ALK: variants seen among roughly 807,000 people sequenced by gnomAD.
ALK encodes ALK receptor tyrosine kinase, also known as ALK tyrosine kinase receptor.
A neutral mutation model predicts 163.1 loss-of-function variants in ALK; 74 were observed. The observed-to-expected ratio is 0.45, with a 90% CI of 0.38 to 0.55. The LOEUF is 0.55. Among genes scored for constraint, ALK ranks in the 20% least tolerant of loss-of-function variants. ALK has a pLI of 0.00. For missense variants in ALK, 2,063 were observed against 2,105.3 expected, an observed-to-expected ratio of 0.98 and a Z score of 0.39; for synonymous variants, 960 against 843.2, an observed-to-expected ratio of 1.14 and a Z score of -2.40.
chr2:29,690,560 C>T (rs755701996), intron 3 of ALK, among the ~76,000 whole-genome samples: 8 of 152,206 alleles, frequency 5.3e-5, no homozygotes, highest in Non-Finnish European at 1.0e-4. Flanking sequence ...AGCAGTTAGA[C>T]ATCAACATGG....
chr2:29,363,828 G>A (rs1443927478), intron 5 of ALK, among the ~76,000 whole-genome samples: 1 of 152,088 alleles, frequency 6.6e-6, no homozygotes, highest in African/African-American at 2.4e-5. Flanking sequence ...AACACATCGA[G>A]GAACCCAGAT....
At chr2:29,736,098 T>A (rs769710949) in intron 1 of ALK, among the ~76,000 whole-genome samples, 1 of 152,142 alleles carries the variant, frequency 6.6e-6, no homozygotes, top group Non-Finnish European at 1.5e-5. Context: ...TTACTATTAA[T>A]GATCAAACTC....
At chr2:29,518,364 A>G (rs1672726028) in intron 4 of ALK, among the ~76,000 whole-genome samples, 1 of 152,196 alleles carries the variant, frequency 6.6e-6, no homozygotes, top group South Asian at 2.1e-4. Flanking sequence ...CCAGAATTGA[A>G]TTTCTTTCCG....
intron 22 of ALK, chr2:29,221,116 G>T (rs1669791783): frequency 1.7e-6 from 1 of 587,376 alleles, no homozygotes. Context: ...AAGTGTCTCA[G>T]GGGGCAGGAG....
chr2:29,657,557 T>C (rs948679147), intron 3 of ALK, among the ~76,000 whole-genome samples: 1 of 152,186 alleles, frequency 6.6e-6, no homozygotes, highest in Non-Finnish European at 1.5e-5. Context: ...ATCATGTTTA[T>C]TCTCTTTCCA....
chr2:29,485,535 A>AT (rs1206774289), intron 4 of ALK, among the ~76,000 whole-genome samples: 2 of 152,226 alleles, frequency 1.3e-5, no homozygotes, highest in African/African-American at 4.8e-5. Flanking sequence ...TTGAAAGTTT[A>AT]TTCAGACTGG....
At chr2:29,236,176 G>A (rs1664376456) in intron 13 of ALK, among the ~76,000 whole-genome samples, 1 of 152,062 alleles carries the variant, frequency 6.6e-6, no homozygotes, top group African/African-American at 2.4e-5. Flanking sequence ...TTGGAGATTT[G>A]CTGGGCTATA....
At chr2:29,276,638 C>T (rs758280656) in intron 9 of ALK, among the ~76,000 whole-genome samples, 9 of 152,080 alleles carry the variant, frequency 5.9e-5, no homozygotes, top group African/African-American at 1.7e-4. Context: ...TATGATGGGA[C>T]GCCAGTCAAT....
At chr2:29,665,003 C>CTTTT (rs35885544) in intron 3 of ALK, among the ~76,000 whole-genome samples, 1 of 133,792 alleles carries the variant, frequency 7.5e-6, no homozygotes, top group Non-Finnish European at 1.6e-5. Context: ...TTCTTTTTTT[C>CTTTT]TTTTTTTTTT....
chr2:29,194,529 T>G (rs113548363), intron 28 of ALK, among the ~76,000 whole-genome samples: 4,101 of 152,244 alleles, frequency 0.027, 140 homozygotes, highest in East Asian at 0.16. Flanking sequence ...AGAGACAGTC[T>G]TGCTCAGTCG....
At chr2:29,775,031 T>C (rs1440190810) in intron 1 of ALK, among the ~76,000 whole-genome samples, 1 of 152,168 alleles carries the variant, frequency 6.6e-6, no homozygotes, top group Non-Finnish European at 1.5e-5. Context: ...AAATAGGGCC[T>C]AAGGGGAGAA....
chr2:29,870,448 G>A (rs1666548808), intron 1 of ALK, among the ~76,000 whole-genome samples: 1 of 152,112 alleles, frequency 6.6e-6, no homozygotes, highest in African/African-American at 2.4e-5. Context: ...CAAGGGGGAA[G>A]TCAGCTCCAT....
intron 3 of ALK, among the ~76,000 whole-genome samples, chr2:29,545,049 C>T (rs985316892): frequency 4.6e-5 from 7 of 152,164 alleles, no homozygotes; most frequent in Non-Finnish European, 8.8e-5. Context: ...CAGTCAGATG[C>T]CCTGTGGTTT....
chr2:29,770,519 CA>C (rs1680991060), intron 1 of ALK, among the ~76,000 whole-genome samples: 1 of 152,130 alleles, frequency 6.6e-6, no homozygotes, highest in Admixed American at 6.5e-5. Flanking sequence ...ATATGGCAAT[CA>C]AATCAAGCAA....
intron 1 of ALK, among the ~76,000 whole-genome samples, chr2:29,772,567 A>T (rs1681056399): frequency 6.6e-6 from 1 of 152,136 alleles, no homozygotes; most frequent in Non-Finnish European, 1.5e-5. Context: ...TTCCATGGAA[A>T]GGGTTTAAAA....
intron 4 of ALK, among the ~76,000 whole-genome samples, chr2:29,498,617 G>A (rs916755096): frequency 2.6e-5 from 4 of 152,158 alleles, no homozygotes; most frequent in African/African-American, 9.7e-5. Flanking sequence ...AATGGAGCGG[G>A]GCTCCACTTG....
At chr2:29,744,978 C>A (rs1176481729) in intron 1 of ALK, among the ~76,000 whole-genome samples, 3 of 152,112 alleles carry the variant, frequency 2.0e-5, no homozygotes, top group Non-Finnish European at 2.9e-5. Context: ...GAAGGGGTGT[C>A]AAAGAATTTG....
At chr2:29,745,568 A>G (rs1489998405) in intron 1 of ALK, among the ~76,000 whole-genome samples, 1 of 152,186 alleles carries the variant, frequency 6.6e-6, no homozygotes, top group Non-Finnish European at 1.5e-5. Flanking sequence ...TACCTTATGC[A>G]CTAATGAAAG....
At chr2:29,283,404 T>C (rs1665764054) in intron 9 of ALK, among the ~76,000 whole-genome samples, 1 of 151,720 alleles carries the variant, frequency 6.6e-6, no homozygotes, top group African/African-American at 2.4e-5. Flanking sequence ...GGATGTCTGC[T>C]CCCCGTTTCT....
Sources: gnomAD v4.1 joint callset for allele counts (sites outside exome capture counted in the v4.1 genomes callset) on GRCh38, gnomAD v4.1.1 for gene constraint, MANE v1.5 for transcripts, NCBI Gene and HGNC (gene_info 2026-07-23, HGNC 2026-07-21) for gene names.